Variants in CAMK1G observed in about 807,000 individuals in gnomAD.
CAMK1G encodes calcium/calmodulin dependent protein kinase IG.
CAMK1G carries 27 observed loss-of-function variants against 54.8 expected under a neutral mutation model. That is an observed-to-expected ratio of 0.49 (90% CI 0.36 to 0.68). CAMK1G has a LOEUF of 0.68. CAMK1G is among the 30% of genes least tolerant of loss of function. The probability of loss-of-function intolerance (pLI) is 0.00; values close to 1 mark genes in which losing one functional copy is unlikely to be tolerated. For missense variants in CAMK1G, 512 were observed against 591.0 expected (o/e 0.87, Z 1.39); for synonymous variants, 238 against 224.9 (o/e 1.06, Z -0.52).
At chr1:209,593,589 C>T (rs1008992935) in intron 1 of CAMK1G, among the ~76,000 whole-genome samples, 15 of 152,332 alleles carry the variant, frequency 9.8e-5, no homozygotes, top group Non-Finnish European at 1.8e-4. Context: ...CCCCAACCAA[C>T]CCCAGATGCT....
At chr1:209,598,246 C>G (rs571819942) in intron 2 of CAMK1G, among the ~76,000 whole-genome samples, 19 of 152,354 alleles carry the variant, frequency 1.2e-4, no homozygotes, top group African/African-American at 4.6e-4. Flanking sequence ...GCCTCAGAGA[C>G]TGCTAGGTTC....
Position 209,607,901 on chromosome 1 carries a change from T to C in CAMK1G, c.603T>C (p.Asp201=). The change falls in exon 7 of 13, where the codon GAT becomes GAC. Residue 201 remains aspartate (D), a synonymous_variant. Transcript: ENST00000361322. The stretch of plus-strand genomic sequence containing the variant: ...AGAAACCCTACAGCAAGGCTGTGGA[T>C]TGCTGGTCCATCGGCGTCATCACCT... The part of the protein sequence containing the change: ...LAQKPYSKAV[D]CWSIGVITYI... 1 of 1,613,740 alleles carries C rather than the reference T, an allele frequency of 6.2e-7. No individual in the cohort carries two copies. Among genetic ancestry groups the C allele is most frequent in the Non-Finnish European group, 8.5e-7 (1 of 1,179,824 alleles).
Position 209,613,272 on chromosome 1 carries a change from C to A in CAMK1G, c.*270C>A, listed in dbSNP as rs1665832233. On this transcript the variant is annotated 3_prime_UTR_variant, in exon 13 of 13. Transcript: ENST00000361322. ...CCCACCAGCTTCCAGGTCTCCCTGA[C>A]CTGCCTGCTCTATGCCCCACACCCT... 1.8e-5 allele frequency: 4 copies of A among 226,618 alleles called. No individual in the cohort carries two copies. In the South Asian group the frequency reaches 2.7e-4, roughly 15 times the overall value. The allele number at this position is 226,618 out of a possible 1,614,324, so 14.0% of individuals were successfully genotyped here. A position where few individuals can be genotyped will look rare whatever the true frequency, so the allele number is the denominator to read the frequency against.
intron 1 of CAMK1G, among the ~76,000 whole-genome samples, chr1:209,588,216 G>A (rs1047988322): frequency 3.9e-5 from 6 of 152,194 alleles, no homozygotes; most frequent in Admixed American, 3.9e-4. Context: ...GATTGCAGAG[G>A]TGCTACTCAA....
Position 209,594,934 on chromosome 1 carries a change from C to T in CAMK1G, c.-29-21C>T, listed in dbSNP as rs1238630511. On this transcript the variant is annotated intron_variant, in intron 1 of 12. Transcript: ENST00000361322. Reference sequence around the variant, plus strand: ...TGACCAGACCTTTTTTCTCCTCCTTCTCCCACTCCCTGCAATAAAGCATCC... The same window carrying T: ...TGACCAGACCTTTTTTCTCCTCCTTTTCCCACTCCCTGCAATAAAGCATCC... 5 of 1,510,038 alleles carry T rather than the reference C, an allele frequency of 3.3e-6. No homozygotes were observed. In the South Asian group the frequency reaches 3.5e-5, roughly 11 times the overall value. The allele number at this position is 1,510,038 out of a possible 1,614,324, so 93.5% of individuals were successfully genotyped here. A position where few individuals can be genotyped will look rare whatever the true frequency, so the allele number is the denominator to read the frequency against.
intron 1 of CAMK1G, among the ~76,000 whole-genome samples, chr1:209,592,894 G>A (rs1427709454): frequency 1.3e-5 from 2 of 151,964 alleles, no homozygotes; most frequent in East Asian, 1.9e-4. Context: ...ATTTTACCAC[G>A]AGTCCTCCAG....
At chr1:209,600,398 G>T (rs113516642) in intron 3 of CAMK1G, among the ~76,000 whole-genome samples, 11 of 152,094 alleles carry the variant, frequency 7.2e-5, no homozygotes, top group Non-Finnish European at 1.5e-4. Context: ...TCAATTGAGG[G>T]CCAACATCAG....
At chr1:209,588,050 A>G (rs1027549959) in intron 1 of CAMK1G, among the ~76,000 whole-genome samples, 1 of 152,208 alleles carries the variant, frequency 6.6e-6, no homozygotes, top group African/African-American at 2.4e-5. Context: ...TAAGGTCAGT[A>G]AAAGAGCCAG....
chr1:209,589,249 G>A (rs1665184982), intron 1 of CAMK1G, among the ~76,000 whole-genome samples: 1 of 152,224 alleles, frequency 6.6e-6, no homozygotes, highest in Non-Finnish European at 1.5e-5. Flanking sequence ...GTCAGGAAGA[G>A]CCTTGTCTAG....
intron 4 of CAMK1G, 120 bp from the exon 5 acceptor site, chr1:209,605,416 A>C: frequency 8.3e-7 from 1 of 1,204,232 alleles, no homozygotes; most frequent in Non-Finnish European, 1.2e-6. Flanking sequence ...CTTCAATCAC[A>C]GTTCATGGGG....
intron 11 of CAMK1G, 98 bp downstream of exon 11, chr1:209,612,314 T>C: frequency 7.7e-7 from 1 of 1,292,742 alleles, no homozygotes; most frequent in African/African-American, 1.5e-5. Flanking sequence ...CTCCCACTCA[T>C]AGGCAGCTAT....
chr1:209,611,377 C>A (rs879873139), intron 9 of CAMK1G, 88 bp from the exon 10 acceptor site: 35 of 1,177,472 alleles, frequency 3.0e-5, no homozygotes, highest in Non-Finnish European at 4.4e-5. Flanking sequence ...CTACCCAGCT[C>A]TCACCTAGAC....
intron 9 of CAMK1G, among the ~76,000 whole-genome samples, chr1:209,610,367 T>C (rs2102396241): frequency 6.6e-6 from 1 of 152,316 alleles, no homozygotes; most frequent in Admixed American, 6.5e-5. Flanking sequence ...AATCTTAAAA[T>C]ATTTTTTCAT....
At chr1:209,606,194 G>A in intron 5 of CAMK1G, 126 bp from the exon 6 acceptor site, 2 of 1,210,764 alleles carry the variant, frequency 1.7e-6, no homozygotes, top group Non-Finnish European at 2.4e-6. Flanking sequence ...GAAGAATGGG[G>A]GAGGATGAGC....
intron 1 of CAMK1G, among the ~76,000 whole-genome samples, chr1:209,588,354 ATGGAT>A (rs56898431): frequency 0.11 from 16,184 of 147,036 alleles, 1,016 homozygotes; most frequent in African/African-American, 0.15. Flanking sequence ...GTGGAGCGGA[ATGGAT>A]TGGATTGGAT....
chr1:209,608,195 C>G (rs1301060424), intron 7 of CAMK1G, among the ~76,000 whole-genome samples: 1 of 152,208 alleles, frequency 6.6e-6, no homozygotes, highest in Non-Finnish European at 1.5e-5. Flanking sequence ...ACCTGGCACT[C>G]CCTCCTCTTG....
intron 1 of CAMK1G, among the ~76,000 whole-genome samples, chr1:209,590,224 G>A (rs1163850609): frequency 6.6e-6 from 1 of 152,198 alleles, no homozygotes; most frequent in African/African-American, 2.4e-5. Flanking sequence ...CAAGAGAGGA[G>A]GGGGAGGACT....
Position 209,612,178 on chromosome 1 carries a change from C to T in CAMK1G, c.1302C>T (p.Cys434=). ...NIGSKGKSSY[C]SEPTLLKKAN... Reference sequence around the variant, plus strand: ...GGAGCAAAGGAAAGTCCTCCTACTGCTCTGAGCCCACACTCCTCAAAAAGG... The same window carrying T: ...GGAGCAAAGGAAAGTCCTCCTACTGTTCTGAGCCCACACTCCTCAAAAAGG... Residue 434 remains cysteine (C), a synonymous_variant, in exon 11 of 13, where the codon TGC becomes TGT. Transcript: ENST00000361322. 1 of 1,614,166 alleles carries T rather than the reference C, an allele frequency of 6.2e-7. No homozygotes were observed. Among genetic ancestry groups the T allele is most frequent in the Non-Finnish European group, 8.5e-7 (1 of 1,180,058 alleles).
intron 6 of CAMK1G, among the ~76,000 whole-genome samples, chr1:209,607,380 G>T (rs938776754): frequency 1.3e-5 from 2 of 152,178 alleles, no homozygotes; most frequent in African/African-American, 2.4e-5. Flanking sequence ...GAGACATACT[G>T]CCTTTGCTCT....
Sources: allele counts gnomAD v4.1 joint callset (sites outside exome capture counted in the v4.1 genomes callset), GRCh38; gene constraint gnomAD v4.1.1; transcripts MANE v1.5; gene names NCBI Gene and HGNC (gene_info 2026-07-23, HGNC 2026-07-21).